The following EVA1A variants were observed in gnomAD, a reference collection of about 807,000 sequenced individuals.
EVA1A encodes the protein eva-1 homolog A, regulator of programmed cell death.
In EVA1A, 7 loss-of-function variants were observed where a neutral mutation model predicts 9.8. That is an observed-to-expected ratio of 0.71 (90% confidence interval 0.41 to 1.34). The LOEUF is 1.34. Among genes scored for constraint, EVA1A ranks in the 40% most tolerant of loss-of-function variants. The pLI is 0.01. For missense variants in EVA1A, 206 were observed against 205.9 expected (o/e 1.00, Z 0.00); for synonymous variants, 90 against 85.6 (o/e 1.05, Z -0.28).
chr2:75,502,829 G>A (rs1674477115), intron 3 of EVA1A, among the ~76,000 whole-genome samples: 1 of 152,092 alleles, frequency 6.6e-6, no homozygotes, highest in Non-Finnish European at 1.5e-5. Flanking sequence ...CCAAGATGAG[G>A]GTGTCAAATG....
intron 2 of EVA1A, chr2:75,518,676 C>T: frequency 1.0e-6 from 1 of 987,840 alleles, no homozygotes; most frequent in Non-Finnish European, 1.2e-6. Flanking sequence ...CTCCCTGGTT[C>T]ACCTTTGAGG....
chr2:75,555,114 C>T (rs1676657996), intron 1 of EVA1A, among the ~76,000 whole-genome samples: 1 of 152,162 alleles, frequency 6.6e-6, no homozygotes, highest in Non-Finnish European at 1.5e-5. Flanking sequence ...ATTGTCTAAT[C>T]AATAAGCATA....
upstream of EVA1A, among the ~76,000 whole-genome samples, chr2:75,561,561 G>A (rs566699903): frequency 2.0e-5 from 3 of 152,020 alleles, no homozygotes; most frequent in Non-Finnish European, 4.4e-5. Flanking sequence ...CTGGGGGCTG[G>A]AAACGCAGAA....
intron 1 of EVA1A, among the ~76,000 whole-genome samples, chr2:75,531,983 C>T (rs946117902): frequency 1.3e-5 from 2 of 151,748 alleles, no homozygotes; most frequent in Non-Finnish European, 2.9e-5. Flanking sequence ...CACGGTGAAA[C>T]CCCGTCTCTA....
intron 3 of EVA1A, among the ~76,000 whole-genome samples, chr2:75,513,387 C>A (rs1041634471): frequency 1.3e-5 from 2 of 152,174 alleles, no homozygotes; most frequent in African/African-American, 4.8e-5. Context: ...CAGAAAACTG[C>A]AAGTTTGTAT....
At chr2:75,542,550 GCATTTCCGAGTCTTACC>G (rs1676167909) in intron 1 of EVA1A, 1 of 152,248 alleles carries the variant, frequency 6.6e-6, no homozygotes, top group African/African-American at 2.4e-5. Flanking sequence ...CTGCATCACT[GCATTTCCGAGTCTTACC>G]CATCCTTCAA....
intron 1 of EVA1A, among the ~76,000 whole-genome samples, chr2:75,535,175 A>T (rs1675831519): frequency 6.6e-6 from 1 of 152,082 alleles, no homozygotes; most frequent in South Asian, 2.1e-4. Flanking sequence ...TATATGAAAA[A>T]ATGCTCAACA....
In EVA1A at chr2:75,555,301, A is replaced by ATCTCTCTCTCTCTCTCTCTCTCTC. The variant is rs58092436; in HGVS notation, c.-192+5355_-192+5378dup. ...AAACAGACTTTAGCATCAAAACTCAATCTCTCTCTCTCTCTCTCTCTCTCT... is the reference window on the plus strand; with the variant it reads ...AAACAGACTTTAGCATCAAAACTCAATCTCTCTCTCTCTCTCTCTCTCTCTCTCTCTCTCTCTCTCTCTCTCTCT... On this transcript the variant is annotated intron_variant, in intron 1 of 3. Transcript: ENST00000393913. 3.2e-3 allele frequency among the ~76,000 whole-genome samples: 184 copies of ATCTCTCTCTCTCTCTCTCTCTCTC among 57,146 alleles called. 12 individuals are homozygous for ATCTCTCTCTCTCTCTCTCTCTCTC. The highest frequency in any genetic ancestry group is 9.9e-3 in the East Asian group (21 of 2,116). The allele number at this position is 57,146 out of a possible 152,430, so 37.5% of individuals were successfully genotyped here.
chr2:75,494,100 C>A (rs954834713), intron 3 of EVA1A, among the ~76,000 whole-genome samples: 2 of 152,206 alleles, frequency 1.3e-5, no homozygotes, highest in Non-Finnish European at 2.9e-5. Flanking sequence ...CCTCTCCCCT[C>A]AAGTGGTGGA....
intron 1 of EVA1A, among the ~76,000 whole-genome samples, chr2:75,530,281 A>G (rs936533668): frequency 6.6e-6 from 1 of 152,110 alleles, no homozygotes; most frequent in African/African-American, 2.4e-5. Context: ...AAAAAAAAAA[A>G]TCCAGGACCA....
At chr2:75,561,222 C>G (rs1183373583), upstream of EVA1A, 2 of 152,210 alleles carry the variant, frequency 1.3e-5, no homozygotes, top group Non-Finnish European at 2.9e-5. Context: ...CCAGGCTTTC[C>G]CCCTGCTGGG....
At chr2:75,543,045 G>A (rs1407718609) in intron 1 of EVA1A, among the ~76,000 whole-genome samples, 1 of 152,182 alleles carries the variant, frequency 6.6e-6, no homozygotes, top group Non-Finnish European at 1.5e-5. Flanking sequence ...ATGGAGACTG[G>A]CAGGAAATGG....
At chr2:75,514,051 A>G (rs559881418) in intron 3 of EVA1A, among the ~76,000 whole-genome samples, 2 of 152,374 alleles carry the variant, frequency 1.3e-5, no homozygotes, top group South Asian at 4.1e-4. Context: ...TTTTGGAAAC[A>G]TCATTTTGCT....
At chr2:75,496,739 G>A (rs1674224320) in intron 3 of EVA1A, among the ~76,000 whole-genome samples, 1 of 152,026 alleles carries the variant, frequency 6.6e-6, no homozygotes, top group Non-Finnish European at 1.5e-5. Context: ...CAATCCTAAG[G>A]TGGGAAGAAA....
chr2:75,504,027 T>G (rs1263732113), intron 3 of EVA1A, among the ~76,000 whole-genome samples: 1 of 152,104 alleles, frequency 6.6e-6, no homozygotes, highest in Non-Finnish European at 1.5e-5. Flanking sequence ...TAATAAAATT[T>G]TAAAAAGTGG....
chr2:75,515,540 G>A (rs1674973068), intron 3 of EVA1A, among the ~76,000 whole-genome samples: 1 of 152,150 alleles, frequency 6.6e-6, no homozygotes, highest in Non-Finnish European at 1.5e-5. Flanking sequence ...CTTGCCCAAA[G>A]AGAAATCCAA....
chr2:75,539,291 A>G (rs207461864), intron 1 of EVA1A, among the ~76,000 whole-genome samples: 3 of 152,240 alleles, frequency 2.0e-5, no homozygotes, highest in Non-Finnish European at 4.4e-5. Flanking sequence ...TGAAGTGATT[A>G]TACACAAGAA....
chr2:75,529,514 A>T (rs1300346240), intron 1 of EVA1A, among the ~76,000 whole-genome samples: 1 of 152,228 alleles, frequency 6.6e-6, no homozygotes, highest in African/African-American at 2.4e-5. Flanking sequence ...ACAAGTCTCA[A>T]TTAATTTAAG....
intron 1 of EVA1A, among the ~76,000 whole-genome samples, chr2:75,568,961 CATA>C (rs935623127): frequency 5.3e-5 from 8 of 152,170 alleles, no homozygotes; most frequent in African/African-American, 1.9e-4. Flanking sequence ...GTCTTTTTCA[CATA>C]ATGACTTCTT....
Sources: allele counts gnomAD v4.1 joint callset (sites outside exome capture counted in the v4.1 genomes callset), GRCh38; gene constraint gnomAD v4.1.1; transcripts MANE v1.5; gene names NCBI Gene and HGNC (gene_info 2026-07-23, HGNC 2026-07-21).